Variants in ACTN1 observed in about 807,000 individuals in gnomAD.
ACTN1 encodes the protein alpha-actinin-1.
ACTN1 carries 30 observed loss-of-function variants against 119.6 expected under a neutral mutation model. The observed-to-expected ratio is 0.25, with a 90% confidence interval of 0.19 to 0.34. The LOEUF is 0.34. Ranked by LOEUF, ACTN1 falls within the 10% of genes least tolerant of loss-of-function variation. The pLI is 1.00. For synonymous variants in ACTN1, 429 were observed against 472.6 expected, an observed-to-expected ratio of 0.91 and a Z score of 1.20; for missense variants, 764 against 1,223.4, an observed-to-expected ratio of 0.62 and a Z score of 5.60.
chr14:68,965,454 C>T (rs1197382755), intron 1 of ACTN1, among the ~76,000 whole-genome samples: 1 of 152,238 alleles, frequency 6.6e-6, no homozygotes, highest in Non-Finnish European at 1.5e-5. Context: ...CAAGCAGCCT[C>T]CTCACACCAG....
rs781067137 is a variant in ACTN1, at chr14:68,881,936, C to CTTTTTTTTTTTTTT, written c.1953+508_1953+521dup. Among the ~76,000 whole-genome samples, 38 of 58,396 alleles carry CTTTTTTTTTTTTTT rather than the reference C, an allele frequency of 6.5e-4. 1 individual carries two copies. Among genetic ancestry groups the CTTTTTTTTTTTTTT allele is most frequent in the African/African-American group, 1.4e-3 (13 of 9,526 alleles). The allele number at this position is 58,396 out of a possible 152,430, so 38.3% of individuals were successfully genotyped here. On this transcript the variant is annotated intron_variant, in intron 16 of 21. Transcript: ENST00000394419. ...AGTATGGGACTTTCATAGGCAGCTT[C>CTTTTTTTTTTTTTT]TTTTTTTTTTTTTTTTTTTGACAGA...
intron 9 of ACTN1, among the ~76,000 whole-genome samples, chr14:68,892,841 G>T (rs1181112123): frequency 2.0e-5 from 3 of 152,076 alleles, no homozygotes; most frequent in Admixed American, 6.6e-5. Context: ...GAAGGTGGAG[G>T]GGTGCACATG....
At chr14:68,898,872 C>T (rs887300891) in intron 8 of ACTN1, among the ~76,000 whole-genome samples, 4 of 151,762 alleles carry the variant, frequency 2.6e-5, no homozygotes, top group Non-Finnish European at 5.9e-5. Context: ...AGCAGGCTGT[C>T]ACCCACACGC....
chr14:68,929,428 C>T (rs1033492535), intron 1 of ACTN1, among the ~76,000 whole-genome samples: 4 of 148,430 alleles, frequency 2.7e-5, no homozygotes, highest in Non-Finnish European at 4.5e-5. Context: ...GTGGCCCAGC[C>T]GCATTCAAAC....
intron 1 of ACTN1, among the ~76,000 whole-genome samples, chr14:68,970,282 C>T (rs1351122498): frequency 6.6e-6 from 1 of 152,156 alleles, no homozygotes; most frequent in East Asian, 1.9e-4. Context: ...CAGGAAATGG[C>T]ACTGCCCCCC....
At position 68,925,612 on chromosome 14, in the gene ACTN1, C is replaced by T. The variant is rs200613938; in HGVS notation, c.166G>A (p.Glu56Lys). 3.1e-6 allele frequency: 5 copies of T among 1,613,478 alleles called. No homozygotes were observed. The highest frequency in any genetic ancestry group is 4.5e-5 in the East Asian group (2 of 44,866). ...RKAGTQIENI[E>K]EDFRDGLKLM... is the part of the protein sequence containing the mutation. Reference sequence around the variant, plus strand: ...TTCAGGCCATCCCGGAAGTCCTCTTCGATGTTCTCGATCTGTGTCCCCGCC... The same window carrying T: ...TTCAGGCCATCCCGGAAGTCCTCTTTGATGTTCTCGATCTGTGTCCCCGCC... The change falls in exon 2 of 22, where the codon GAA becomes AAA. Residue 56 changes from glutamate (E) to lysine (K), a missense_variant. Coordinates refer to ENST00000394419, the MANE Select transcript of ACTN1 (RefSeq NM_001130004.2). The surrounding 1 kb of genome is among the most constrained non-coding windows in gnomAD (Gnocchi z 4.3).
At chr14:68,963,923 T>TA (rs1369922369) in intron 1 of ACTN1, among the ~76,000 whole-genome samples, 8 of 152,184 alleles carry the variant, frequency 5.3e-5, no homozygotes, top group Admixed American at 3.3e-4. Flanking sequence ...CCATAAGTTT[T>TA]AAAAAAATTC....
At chr14:68,948,202 A>C (rs1475946598) in intron 1 of ACTN1, among the ~76,000 whole-genome samples, 1 of 141,712 alleles carries the variant, frequency 7.1e-6, no homozygotes, top group Admixed American at 7.3e-5. Flanking sequence ...AACGGTGACA[A>C]AAGCTGACAT....
At chr14:68,946,482 A>G (rs889096317) in intron 1 of ACTN1, among the ~76,000 whole-genome samples, 1 of 152,112 alleles carries the variant, frequency 6.6e-6, no homozygotes, top group African/African-American at 2.4e-5. Flanking sequence ...AGCCCAATAA[A>G]AAAGGCAGAG....
At chr14:68,976,038 G>A (rs893611078) in intron 1 of ACTN1, among the ~76,000 whole-genome samples, 3 of 152,178 alleles carry the variant, frequency 2.0e-5, no homozygotes, top group African/African-American at 7.2e-5. Flanking sequence ...CCACAAGAAC[G>A]GGAACTTGGT....
intron 1 of ACTN1, among the ~76,000 whole-genome samples, chr14:68,950,353 G>A (rs73290660): frequency 0.029 from 4,258 of 148,148 alleles, 193 homozygotes; most frequent in African/African-American, 0.099. Context: ...TGATGGTTAC[G>A]CAACAACATA....
chr14:68,905,817 C>T (rs565825043), intron 6 of ACTN1, among the ~76,000 whole-genome samples: 2 of 152,118 alleles, frequency 1.3e-5, no homozygotes, highest in Admixed American at 1.3e-4. Context: ...CGTGGTGACA[C>T]CCCGTGTCTG....
rs775481921 is a variant in ACTN1 at position 68,907,259 on chromosome 14, TA to T, written c.594+2058del. Among the ~76,000 whole-genome samples, 449 of 72,986 alleles carry T rather than the reference TA, an allele frequency of 6.2e-3. 1 individual carries two copies. Among genetic ancestry groups the T allele is most frequent in the African/African-American group, 0.019 (306 of 16,374 alleles). The allele number at this position is 72,986 out of a possible 152,430, so 47.9% of individuals were successfully genotyped here. On this transcript the variant is annotated intron_variant, in intron 6 of 21. Transcript: ENST00000394419. ...CCTGGGCGACACAGCAAGACTCTCT[TA>T]AAAAAAAAAAAAAAAAAAAAAAGCT...
chr14:68,903,236 G>C (rs936493191), intron 7 of ACTN1, among the ~76,000 whole-genome samples: 1 of 152,078 alleles, frequency 6.6e-6, no homozygotes, highest in African/African-American at 2.4e-5. Flanking sequence ...CTTTTGCCTG[G>C]GTTTTTATGC....
In ACTN1 at chr14:68,893,641, C is replaced by A; in HGVS notation, c.855+14G>T. On this transcript the variant is annotated intron_variant, in intron 9 of 21. Coordinates refer to ENST00000394419, the MANE Select transcript of ACTN1 (RefSeq NM_001130004.2). ...CTTGCTAGAGTCAGGCCAGGTGAAC[C>A]CGGGGGTACCCACATCACTGGCCAG... is the stretch of plus-strand genomic sequence containing the variant. 1 of 1,612,734 alleles carries A rather than the reference C, an allele frequency of 6.2e-7. No individual in the cohort carries two copies. Among genetic ancestry groups the A allele is most frequent in the Non-Finnish European group, 8.5e-7 (1 of 1,179,472 alleles).
chr14:68,945,163 C>CAAA (rs11408138), intron 1 of ACTN1, among the ~76,000 whole-genome samples: 4 of 120,082 alleles, frequency 3.3e-5, no homozygotes, highest in East Asian at 2.2e-4. Flanking sequence ...GACTCCGGTT[C>CAAA]AAAAAAAAAA....
chr14:68,918,518 G>A (rs1247616041), intron 3 of ACTN1, among the ~76,000 whole-genome samples: 3 of 430 alleles, frequency 7.0e-3, no homozygotes, highest in Non-Finnish European at 0.014. Context: ...ACTGGGAGGC[G>A]GACTTGCAGC....
chr14:68,968,966 G>A (rs940903802), intron 1 of ACTN1, among the ~76,000 whole-genome samples: 9 of 152,272 alleles, frequency 5.9e-5, no homozygotes, highest in Non-Finnish European at 1.0e-4. Context: ...GCTTGCTTCC[G>A]AACCAGTGGC....
intron 6 of ACTN1, among the ~76,000 whole-genome samples, chr14:68,908,789 C>CA (rs1468109639): frequency 6.6e-6 from 1 of 152,192 alleles, no homozygotes; most frequent in African/African-American, 2.4e-5. Flanking sequence ...TCCACACACC[C>CA]ACTCAAGAAA....
Sources: gnomAD v4.1 joint callset for allele counts (sites outside exome capture counted in the v4.1 genomes callset) on GRCh38, gnomAD v4.1.1 for gene constraint, Gnocchi (gnomAD v3.1) non-coding constraint, MANE v1.5 for transcripts, NCBI Gene and HGNC (gene_info 2026-07-23, HGNC 2026-07-21) for gene names.